The following CRTC3 variants were observed in gnomAD, a reference collection of about 807,000 sequenced individuals.
CRTC3 encodes CREB-regulated transcription coactivator 3.
A neutral mutation model predicts 74.5 loss-of-function variants in CRTC3; 26 were observed. That is an observed-to-expected ratio of 0.35 (90% CI 0.26 to 0.48). The LOEUF (loss-of-function observed/expected upper bound fraction) is 0.48, where lower values mean the gene tolerates loss of function less well. Ranked by LOEUF, CRTC3 falls within the 20% of genes least tolerant of loss-of-function variation. The pLI is 0.99. For synonymous variants in CRTC3, 377 were observed against 325.8 expected (o/e 1.16, Z -1.69); for missense variants, 760 against 787.3 (o/e 0.97, Z 0.41).
intron 5 of CRTC3, among the ~76,000 whole-genome samples, chr15:90,605,113 G>T (rs1028300767): frequency 6.6e-6 from 1 of 151,760 alleles, no homozygotes; most frequent in African/African-American, 2.4e-5. Context: ...AAAAAAAGGC[G>T]TGGTGGCACG....
At chr15:90,554,157 C>T (rs28712437) in intron 2 of CRTC3, among the ~76,000 whole-genome samples, 3,556 of 151,910 alleles carry the variant, frequency 0.023, 149 homozygotes, top group African/African-American at 0.08. Flanking sequence ...ATACATAACA[C>T]CCTTAGAACA....
In CRTC3 at chr15:90,633,768, TCTC is replaced by T. The variant is rs1969129566; in HGVS notation, c.1266+4237_1266+4239del. Reference sequence around the variant, plus strand: ...GACTTTTCCTCTATTATCCTTATCTTCTCTCTCTCCTCTTTTGCTTCTCTGTGG... The same window carrying T: ...GACTTTTCCTCTATTATCCTTATCTTTCTCTCCTCTTTTGCTTCTCTGTGG... On this transcript the variant is annotated intron_variant, in intron 11 of 14. Coordinates refer to ENST00000268184, the MANE Select transcript of CRTC3 (RefSeq NM_022769.5). 2.0e-5 allele frequency among the ~76,000 whole-genome samples: 3 copies of T among 152,274 alleles called. No individual in the cohort carries two copies. In the East Asian group the frequency reaches 5.8e-4, roughly 29 times the overall value.
chr15:90,593,765 T>C lies in CRTC3; in HGVS notation c.351+10T>C. On this transcript the variant is annotated intron_variant, in intron 3 of 14. Coordinates refer to ENST00000268184, the MANE Select transcript of CRTC3 (RefSeq NM_022769.5). ...CAAGCCAGGGCGACAAATATCCTTT[T>C]TTACTCTTCAAAGGGAGTGTGCATT... 6.3e-7 allele frequency: 1 copy of C among 1,595,152 alleles called. No homozygotes were observed. The highest frequency in any genetic ancestry group is 8.6e-7 in the Non-Finnish European group (1 of 1,164,718).
At chr15:90,539,544 AT>A (rs1966770539) in intron 1 of CRTC3, 1 of 162,894 alleles carries the variant, frequency 6.1e-6, no homozygotes, top group African/African-American at 2.4e-5. Flanking sequence ...AAGAACTGTT[AT>A]ATACCCACTA....
chr15:90,624,223 C>T (rs1011014549), intron 9 of CRTC3, among the ~76,000 whole-genome samples: 2 of 152,040 alleles, frequency 1.3e-5, no homozygotes, highest in South Asian at 2.1e-4. Flanking sequence ...CACCTTCTCC[C>T]GCATTCTCCT....
chr15:90,553,069 G>T (rs996847829), intron 2 of CRTC3, among the ~76,000 whole-genome samples: 1 of 152,108 alleles, frequency 6.6e-6, no homozygotes, highest in Non-Finnish European at 1.5e-5. Flanking sequence ...GATTTAGAAG[G>T]CCACATTTAT....
intron 11 of CRTC3, among the ~76,000 whole-genome samples, chr15:90,635,694 T>C (rs1474726870): frequency 6.6e-6 from 1 of 152,020 alleles, no homozygotes; most frequent in Non-Finnish European, 1.5e-5. Flanking sequence ...TCAGGCCTTG[T>C]CAGGTTCCCT....
intron 2 of CRTC3, among the ~76,000 whole-genome samples, chr15:90,592,258 G>A (rs1447789812): frequency 1.3e-5 from 2 of 152,186 alleles, no homozygotes; most frequent in Non-Finnish European, 2.9e-5. Flanking sequence ...TAAATGAATA[G>A]TATGTGAGGT....
At chr15:90,576,440 G>A (rs184581660) in intron 2 of CRTC3, among the ~76,000 whole-genome samples, 417 of 151,890 alleles carry the variant, frequency 2.7e-3, no homozygotes, top group Admixed American at 5.5e-3. Flanking sequence ...GAGGAAGATG[G>A]CAAATTCACT....
chr15:90,542,921 G>A (rs545920940), intron 2 of CRTC3, among the ~76,000 whole-genome samples: 38 of 152,174 alleles, frequency 2.5e-4, no homozygotes, highest in Non-Finnish European at 5.0e-4. Context: ...GAATAACGTA[G>A]AAGAAGTGAG....
chr15:90,568,846 A>G (rs1262148095), intron 2 of CRTC3, among the ~76,000 whole-genome samples: 3 of 152,216 alleles, frequency 2.0e-5, no homozygotes, highest in Non-Finnish European at 4.4e-5. Context: ...CTACTAGGAA[A>G]AAGATTACAA....
At chr15:90,565,907 C>G (rs1369831627) in intron 2 of CRTC3, among the ~76,000 whole-genome samples, 2 of 152,104 alleles carry the variant, frequency 1.3e-5, no homozygotes, top group Non-Finnish European at 2.9e-5. Flanking sequence ...TCTAAGTGTT[C>G]AAGTGAAAGA....
intron 9 of CRTC3, among the ~76,000 whole-genome samples, chr15:90,624,522 C>T (rs1968761532): frequency 6.6e-6 from 1 of 152,170 alleles, no homozygotes; most frequent in East Asian, 1.9e-4. Flanking sequence ...TCAGCCATGC[C>T]CAGCTACTCT....
intron 3 of CRTC3, chr15:90,598,713 T>G: frequency 1.7e-6 from 1 of 587,356 alleles, no homozygotes; most frequent in Non-Finnish European, 3.0e-6. Context: ...AGAACTTGAG[T>G]AGGCAGTTGG....
chr15:90,568,421 G>A (rs1465561234), intron 2 of CRTC3, among the ~76,000 whole-genome samples: 1 of 152,022 alleles, frequency 6.6e-6, no homozygotes, highest in Non-Finnish European at 1.5e-5. Flanking sequence ...TGCAATCTCA[G>A]CCTACTGCAA....
At chr15:90,621,324 T>C (rs1304051631) in intron 9 of CRTC3, among the ~76,000 whole-genome samples, 2 of 150,390 alleles carry the variant, frequency 1.3e-5, no homozygotes, top group African/African-American at 4.9e-5. Context: ...AGTTTGTTTG[T>C]ATTTATTTAT....
At position 90,638,947 on chromosome 15, in the gene CRTC3, G is replaced by T; in HGVS notation, c.1548+132G>T. The T allele has an allele frequency of 1.0e-5, 8 of 769,730 alleles. No homozygotes were observed. The South Asian group carries it at 1.1e-4, about 11-fold the overall frequency. The allele number at this position is 769,730 out of a possible 1,614,324, so 47.7% of individuals were successfully genotyped here. A position where few individuals can be genotyped will look rare whatever the true frequency, so the allele number is the denominator to read the frequency against. ...TGGTTCTGGTTGTGTTCTGTGGCTA[G>T]AAGAGCCTTTCATCTTCTTTGGCCC... is the stretch of plus-strand genomic sequence containing the variant. On this transcript the variant is annotated intron_variant, in intron 13 of 14. Coordinates refer to ENST00000268184, the MANE Select transcript of CRTC3 (RefSeq NM_022769.5).
rs371655193 is a variant in CRTC3, at chr15:90,604,365, T to C, written c.414-20T>C. The C allele has an allele frequency of 1.2e-6, 2 of 1,609,256 alleles. No individual in the cohort carries two copies. Among genetic ancestry groups the C allele is most frequent in the African/African-American group, 2.7e-5 (2 of 74,932 alleles). On this transcript the variant is annotated intron_variant, in intron 4 of 14. Coordinates refer to ENST00000268184, the MANE Select transcript of CRTC3 (RefSeq NM_022769.5). The stretch of plus-strand genomic sequence containing the variant: ...TGTGGATTGACTTCTTTTCCTTTTA[T>C]GTTGTTCTGGTTTTTAAAGGCAGCA...
chr15:90,596,509 G>A (rs1411621601), intron 3 of CRTC3: 2 of 152,096 alleles, frequency 1.3e-5, no homozygotes, highest in African/African-American at 4.8e-5. Context: ...GACAGTATGA[G>A]TCAGATTCAC....
Sources: gnomAD v4.1 joint callset for allele counts (sites outside exome capture counted in the v4.1 genomes callset) on GRCh38, gnomAD v4.1.1 for gene constraint, MANE v1.5 for transcripts, NCBI Gene and HGNC (gene_info 2026-07-23, HGNC 2026-07-21) for gene names.